Variants in CDKN2B-AS1 observed in about 807,000 individuals in gnomAD.
CDKN2B-AS1 encodes the protein CDKN2B and CDKN2A antisense cis and trans regulatory RNA 1, also known as CDKN2B antisense RNA 1 (non-protein coding).
At chr9:22,014,261 C>T (rs940583485) in intron 1 of CDKN2B-AS1, among the ~76,000 whole-genome samples, 4 of 152,114 alleles carry the variant, frequency 2.6e-5, no homozygotes, top group East Asian at 1.9e-4. Context: ...CTCCCAGGCT[C>T]AAGTGATCCT....
chr9:22,046,270 A>G (rs924119949), intron 1 of CDKN2B-AS1: 7 of 152,140 alleles, frequency 4.6e-5, no homozygotes, highest in Non-Finnish European at 7.4e-5. Context: ...GTTTGATTTT[A>G]ATAGCAACTT....
intron 4 of CDKN2B-AS1, among the ~76,000 whole-genome samples, chr9:22,088,725 G>A (rs1021913877): frequency 6.6e-6 from 1 of 152,148 alleles, no homozygotes; most frequent in Non-Finnish European, 1.5e-5. Flanking sequence ...TGCCTTCCAG[G>A]AGGCTTCAAG....
chr9:22,060,925 C>A (rs563661325), intron 4 of CDKN2B-AS1, among the ~76,000 whole-genome samples: 1 of 152,080 alleles, frequency 6.6e-6, no homozygotes, highest in South Asian at 2.1e-4. Context: ...GATTCAGTTA[C>A]CTCACCCTGG....
intron 1 of CDKN2B-AS1, among the ~76,000 whole-genome samples, chr9:22,022,482 T>A (rs1298189994): frequency 2.6e-5 from 4 of 152,208 alleles, no homozygotes; most frequent in African/African-American, 9.6e-5. Context: ...ACCCTGCTTT[T>A]TTCTGATTTG....
chr9:22,018,284 A>G (rs1587407628), intron 1 of CDKN2B-AS1, among the ~76,000 whole-genome samples: 1 of 146,466 alleles, frequency 6.8e-6, no homozygotes, highest in South Asian at 2.1e-4. Flanking sequence ...ACAGCTTTGG[A>G]TCCTGATGAC....
intron 4 of CDKN2B-AS1, among the ~76,000 whole-genome samples, chr9:22,107,993 A>G (rs1825704150): frequency 6.6e-6 from 1 of 152,194 alleles, no homozygotes; most frequent in Non-Finnish European, 1.5e-5. Context: ...GAAGAACCCA[A>G]CATACAACCC....
At chr9:22,020,616 T>C (rs549895775) in intron 1 of CDKN2B-AS1, among the ~76,000 whole-genome samples, 2 of 152,352 alleles carry the variant, frequency 1.3e-5, no homozygotes, top group Non-Finnish European at 2.9e-5. Flanking sequence ...TGATTTGCAT[T>C]TTTCTAATGA....
intron 4 of CDKN2B-AS1, among the ~76,000 whole-genome samples, chr9:22,102,637 T>G (rs1307989037): frequency 2.0e-5 from 3 of 152,168 alleles, no homozygotes; most frequent in Non-Finnish European, 4.4e-5. Flanking sequence ...GCTCCTTTAG[T>G]CTCTCCTTTA....
intron 4 of CDKN2B-AS1, among the ~76,000 whole-genome samples, chr9:22,101,365 T>A (rs1254622074): frequency 6.6e-6 from 1 of 152,146 alleles, no homozygotes; most frequent in Non-Finnish European, 1.5e-5. Flanking sequence ...TTTTATAAGA[T>A]ACTCAGTCTG....
At chr9:22,008,098 T>C (rs1219042167) in intron 1 of CDKN2B-AS1, among the ~76,000 whole-genome samples, 2 of 152,228 alleles carry the variant, frequency 1.3e-5, no homozygotes, top group African/African-American at 4.8e-5. Flanking sequence ...TGAATAAGTG[T>C]ATTTTAACAA....
chr9:22,097,011 G>T (rs1413939306), intron 4 of CDKN2B-AS1, among the ~76,000 whole-genome samples: 1 of 152,126 alleles, frequency 6.6e-6, no homozygotes, highest in Non-Finnish European at 1.5e-5. Flanking sequence ...ACCAGCTCAG[G>T]CTCCCACTTC....
intron 4 of CDKN2B-AS1, among the ~76,000 whole-genome samples, chr9:22,084,031 A>G (rs953932204): frequency 6.6e-6 from 1 of 152,188 alleles, no homozygotes; most frequent in African/African-American, 2.4e-5. Flanking sequence ...AATTTACATT[A>G]CCTTTCTTAA....
At chr9:22,092,149 G>A (rs1825113443) in intron 4 of CDKN2B-AS1, among the ~76,000 whole-genome samples, 2 of 152,176 alleles carry the variant, frequency 1.3e-5, no homozygotes, top group South Asian at 2.1e-4. Flanking sequence ...TGTTGAACAA[G>A]CCTTGCATCC....
At chr9:22,012,509 A>C (rs1369345961) in intron 1 of CDKN2B-AS1, 1 of 658,300 alleles carries the variant, frequency 1.5e-6, no homozygotes, top group African/African-American at 1.8e-5. Context: ...TGGCCACACC[A>C]ACAACCTGCA....
chr9:22,013,757 T>C (rs1821617337), intron 1 of CDKN2B-AS1, among the ~76,000 whole-genome samples: 1 of 152,220 alleles, frequency 6.6e-6, no homozygotes, highest in Admixed American at 6.5e-5. Flanking sequence ...TGGCGTCTTG[T>C]TTCCTCTTAA....
chr9:22,025,894 C>T (rs1256867635), intron 1 of CDKN2B-AS1, among the ~76,000 whole-genome samples: 1 of 152,152 alleles, frequency 6.6e-6, no homozygotes, highest in Non-Finnish European at 1.5e-5. Flanking sequence ...CCCTGATTGC[C>T]TCAGACACTC....
chr9:22,120,884 T>A (rs1294466242), intron 4 of CDKN2B-AS1: 2 of 152,080 alleles, frequency 1.3e-5, no homozygotes, highest in African/African-American at 2.4e-5. Context: ...TTTACATGTG[T>A]TACTGGTAAC....
Position 22,001,635 on chromosome 9 carries a change from C to T in CDKN2B-AS1, n.29+6474C>T, listed in dbSNP as rs985954199. 1.3e-5 allele frequency among the ~76,000 whole-genome samples: 2 copies of T among 151,940 alleles called. No individual in the cohort carries two copies. The highest frequency in any genetic ancestry group is 2.9e-5 in the Non-Finnish European group (2 of 67,938). ...TTCTTTTATTATGTAATTAATAGGGCCTATATGTGAAAGTTACTGTGTTTC... is the reference window on the plus strand; with the variant it reads ...TTCTTTTATTATGTAATTAATAGGGTCTATATGTGAAAGTTACTGTGTTTC... On this transcript the variant is annotated intron_variant and non_coding_transcript_variant, in intron 1 of 4. Transcript: ENST00000650946. The surrounding 1 kb of genome is among the most constrained non-coding windows in gnomAD (Gnocchi z 4.2).
chr9:22,004,208 C>A (rs546352392), intron 1 of CDKN2B-AS1: 1 of 232,324 alleles, frequency 4.3e-6, no homozygotes, highest in African/African-American at 2.2e-5. Flanking sequence ...TAACTTTCCC[C>A]AGTAATATGT....
Sources: allele counts gnomAD v4.1 joint callset (sites outside exome capture counted in the v4.1 genomes callset), GRCh38; gene constraint gnomAD v4.1.1; non-coding constraint Gnocchi (gnomAD v3.1); transcripts MANE v1.5; gene names NCBI Gene and HGNC (gene_info 2026-07-23, HGNC 2026-07-21).